The following WAC variants were observed in gnomAD, a reference collection of about 807,000 sequenced individuals.
WAC encodes WW domain containing adaptor with coiled-coil, also known as WW domain-containing adapter protein with coiled-coil.
A neutral mutation model predicts 79.6 loss-of-function variants in WAC; 11 were observed. That is an observed-to-expected ratio of 0.14 (90% CI 0.09 to 0.23). The LOEUF is 0.23. Ranked by LOEUF, WAC falls within the 10% of genes least tolerant of loss-of-function variation. The pLI, the probability that WAC is intolerant of heterozygous loss-of-function variation, is 1.00. For synonymous variants in WAC, 304 were observed against 276.9 expected (o/e 1.10, Z -0.97); for missense variants, 728 against 773.5 (o/e 0.94, Z 0.70).
At chr10:28,608,777 T>C (rs531734557) in intron 8 of WAC, among the ~76,000 whole-genome samples, 12 of 152,320 alleles carry the variant, frequency 7.9e-5, no homozygotes, top group Middle Eastern at 6.8e-3. Flanking sequence ...TATTAAAACT[T>C]CTGGTATGTT....
chr10:28,608,101 C>T (rs1023578369), intron 7 of WAC, 85 bp from the exon 8 acceptor site: 23 of 1,505,584 alleles, frequency 1.5e-5, no homozygotes, highest in Non-Finnish European at 2.0e-5. Context: ...CGTTAGGTGC[C>T]TGGCACATGA....
chr10:28,591,867 G>A (rs906740843), intron 6 of WAC: 2 of 147,648 alleles, frequency 1.4e-5, no homozygotes, highest in Non-Finnish European at 1.5e-5. Flanking sequence ...AAAATTAACT[G>A]TCACATAGAC....
At chr10:28,586,087 C>G (rs1839808119) in intron 4 of WAC, among the ~76,000 whole-genome samples, 1 of 152,018 alleles carries the variant, frequency 6.6e-6, no homozygotes, top group East Asian at 1.9e-4. Flanking sequence ...TATAATGTAC[C>G]TAGTGGGAAT....
chr10:28,558,328 G>T (rs892115232), intron 3 of WAC, among the ~76,000 whole-genome samples: 1 of 152,104 alleles, frequency 6.6e-6, no homozygotes, highest in Non-Finnish European at 1.5e-5. Context: ...CTCAGCCTGC[G>T]GTGTTTGAGG....
chr10:28,571,409 C>T (rs899457125), intron 3 of WAC, among the ~76,000 whole-genome samples: 2 of 152,186 alleles, frequency 1.3e-5, no homozygotes, highest in Non-Finnish European at 2.9e-5. Flanking sequence ...AACAGCTTTA[C>T]ACATCTGTTA....
rs1175383627 is a variant in WAC at position 28,620,459 on chromosome 10, G to T, written c.*853G>T. 6.6e-6 allele frequency: 1 copy of T among 152,670 alleles called. No homozygotes were observed. The highest frequency in any genetic ancestry group is 6.5e-5 in the Admixed American group (1 of 15,286). 9.5% of individuals were successfully genotyped at this position (152,670 alleles called of 1,614,324 possible). On this transcript the variant is annotated 3_prime_UTR_variant, in exon 14 of 14. Coordinates refer to ENST00000354911, the MANE Select transcript of WAC (RefSeq NM_016628.5). ...AATATAAGGAAATGGCCCAATGAAC[G>T]TGGTTGTGGGAGGGGAAAGAGGAAA...
intron 4 of WAC, among the ~76,000 whole-genome samples, chr10:28,588,508 A>G (rs1839931459): frequency 6.6e-6 from 1 of 152,146 alleles, no homozygotes; most frequent in Non-Finnish European, 1.5e-5. Flanking sequence ...TTGTCCTTTG[A>G]TAAACCACTA....
chr10:28,585,879 C>T (rs139899295), intron 4 of WAC, among the ~76,000 whole-genome samples: 1 of 152,210 alleles, frequency 6.6e-6, no homozygotes, highest in East Asian at 1.9e-4. Context: ...GGGTTTAACC[C>T]AGTGAAGTCA....
chr10:28,542,438 TTGTC>T (rs1837106713), intron 3 of WAC, among the ~76,000 whole-genome samples: 5 of 152,330 alleles, frequency 3.3e-5, no homozygotes, highest in African/African-American at 1.2e-4. Context: ...ACCAAAAACA[TTGTC>T]AGTGACACAT....
Position 28,619,979 on chromosome 10 carries a change from A to G in WAC, c.*373A>G, listed in dbSNP as rs1179464710. 1 of 149,968 alleles carries G rather than the reference A, an allele frequency of 6.7e-6. No homozygotes were observed. The highest frequency in any genetic ancestry group is 6.8e-5 in the Admixed American group (1 of 14,642). The allele number at this position is 149,968 out of a possible 1,614,324, so 9.3% of individuals were successfully genotyped here. On this transcript the variant is annotated 3_prime_UTR_variant, in exon 14 of 14. Transcript: ENST00000354911. ...CTTTTTTAAAAAAAAAAAAAAAAAAATTGGGGGGGTTAATTTATCATTCAG... is the reference window on the plus strand; with the variant it reads ...CTTTTTTAAAAAAAAAAAAAAAAAAGTTGGGGGGGTTAATTTATCATTCAG...
chr10:28,607,487 C>G (rs1456866941), intron 7 of WAC, among the ~76,000 whole-genome samples: 1 of 152,098 alleles, frequency 6.6e-6, no homozygotes, highest in Non-Finnish European at 1.5e-5. Flanking sequence ...ATTTTCCATG[C>G]GTATTTTATA....
At chr10:28,553,612 A>AG (rs1385378479) in intron 3 of WAC, among the ~76,000 whole-genome samples, 1 of 152,146 alleles carries the variant, frequency 6.6e-6, no homozygotes, top group African/African-American at 2.4e-5. Context: ...TTTAAGATTG[A>AG]GGGAAGGGTT....
Position 28,534,027 on chromosome 10 carries a change from C to T in WAC, c.71C>T (p.Pro24Leu). The change falls in exon 2 of 14, where the codon CCT (proline) becomes CTT (leucine). Residue 24 changes from proline (P) to leucine (L), a missense_variant. Around this residue, in one of 3 missense-constraint regions of WAC, gnomAD observed 648 missense variants for 661.5 expected, o/e 0.98. Transcript: ENST00000354911. ...CACGACCGGAGGGGGGACTCGCAGC[C>T]TTACCAGGTACCAGCCGAGGCCGGG... ...GCHDRRGDSQPYQALKYSSKS... is the reference protein window; with the variant it reads ...GCHDRRGDSQLYQALKYSSKS... 6.3e-7 allele frequency: 1 copy of T among 1,590,950 alleles called. No individual in the cohort carries two copies. The highest frequency in any genetic ancestry group is 8.5e-7 in the Non-Finnish European group (1 of 1,169,778).
intron 9 of WAC, 21 bp from the exon 10 acceptor site, chr10:28,611,753 A>G (rs767716650): frequency 2.7e-5 from 44 of 1,600,248 alleles, no homozygotes; most frequent in Non-Finnish European, 3.5e-5. Context: ...CTTTAAAATT[A>G]ATTGCTTCCC....
In WAC at chr10:28,608,301, T is replaced by C. The variant is rs1397421274; in HGVS notation, c.1035T>C (p.Val345=). The change falls in exon 8 of 14, where the codon GTT becomes GTC. Residue 345 remains valine (V), a synonymous_variant. Transcript: ENST00000354911. ...CAACATCTGCTTCAGCGGTCCCTGT[T>C]TCTCCTGTTCCACAGTCGCCAATAC... is the stretch of plus-strand genomic sequence containing the variant. ...APPTSASAVP[V]SPVPQSPIPP... 1 of 1,614,206 alleles carries C rather than the reference T, an allele frequency of 6.2e-7. No homozygotes were observed. Among genetic ancestry groups the C allele is most frequent in the Non-Finnish European group, 8.5e-7 (1 of 1,180,026 alleles).
chr10:28,569,227 G>A (rs1838813319), intron 3 of WAC, among the ~76,000 whole-genome samples: 1 of 152,158 alleles, frequency 6.6e-6, no homozygotes. Flanking sequence ...AGATAAAATA[G>A]TACTGCAGTT....
In WAC at chr10:28,590,711, T is replaced by A; in HGVS notation, c.498-9T>A. On this transcript the variant is annotated splice_polypyrimidine_tract_variant and intron_variant, in intron 5 of 13. Coordinates refer to ENST00000354911, the MANE Select transcript of WAC (RefSeq NM_016628.5). ...ATTTTTATATGTTTATCTTTTTTTT[T>A]ATTTTTAGAGAACAGAGACAAAAAG... is the stretch of plus-strand genomic sequence containing the variant. 1 of 1,571,858 alleles carries A rather than the reference T, an allele frequency of 6.4e-7. No homozygotes were observed. Among genetic ancestry groups the A allele is most frequent in the East Asian group, 2.4e-5 (1 of 42,166 alleles).
chr10:28,572,269 A>G (rs1589175327), intron 3 of WAC, among the ~76,000 whole-genome samples: 1 of 150,220 alleles, frequency 6.7e-6, no homozygotes, highest in East Asian at 2.0e-4. Context: ...CCTGGGCAGC[A>G]GATTTTGCAG....
chr10:28,617,225 A>G lies in WAC; in HGVS notation c.1747-432A>G, dbSNP rs537587732. Among the ~76,000 whole-genome samples the G allele has an allele frequency of 1.3e-4, 20 of 152,318 alleles. 1 individual carries two copies. The South Asian group carries it at 3.1e-3, about 24-fold the overall frequency. On this transcript the variant is annotated intron_variant, in intron 12 of 13. Transcript: ENST00000354911. ...CCATTTGCCTCTTGCTTTTTATCAG[A>G]TAACTGACCATCTGGGGTGTTCGAA... is the stretch of plus-strand genomic sequence containing the variant.
Sources: allele counts gnomAD v4.1 joint callset (sites outside exome capture counted in the v4.1 genomes callset), GRCh38; gene constraint gnomAD v4.1.1; regional missense constraint gnomAD v4.1.1; transcripts MANE v1.5; gene names NCBI Gene and HGNC (gene_info 2026-07-23, HGNC 2026-07-21).